Variants in GNG4 observed in about 807,000 individuals in gnomAD.
The protein encoded by GNG4 is G protein subunit gamma 4.
GNG4 carries 4 observed loss-of-function variants against 5.8 expected under a neutral mutation model. The observed-to-expected ratio is 0.69, with a 90% confidence interval of 0.34 to 1.57. GNG4 has a LOEUF of 1.57. Among genes scored for constraint, GNG4 ranks in the 40% most tolerant of loss-of-function variants. GNG4 has a pLI of 0.06. For synonymous variants in GNG4, 29 were observed against 32.9 expected (o/e 0.88, Z 0.41); for missense variants, 96 against 95.1 (o/e 1.01, Z -0.04).
intron 2 of GNG4, among the ~76,000 whole-genome samples, chr1:235,587,239 GGTGGGGTGTGTGT>G (rs1687785994): frequency 1.0e-4 from 2 of 20,002 alleles, no homozygotes; most frequent in African/African-American, 4.3e-4. Flanking sequence ...GAGTGTGTGA[GGTGGGGTGTGTGT>G]GATGACAGTG....
At chr1:235,586,358 G>C (rs1381153219) in intron 2 of GNG4, among the ~76,000 whole-genome samples, 2 of 151,960 alleles carry the variant, frequency 1.3e-5, no homozygotes, top group Non-Finnish European at 2.9e-5. Context: ...CCTTGTGCCA[G>C]TCTGTGTGTG....
chr1:235,554,508 T>C (rs1210488171), intron 3 of GNG4, among the ~76,000 whole-genome samples: 1 of 152,174 alleles, frequency 6.6e-6, no homozygotes, highest in Admixed American at 6.5e-5. Context: ...GTTTGCTAAG[T>C]CTAGGCCCCT....
chr1:235,556,626 C>T (rs1042759297), intron 3 of GNG4, among the ~76,000 whole-genome samples: 1 of 151,096 alleles, frequency 6.6e-6, no homozygotes, highest in South Asian at 2.1e-4. Context: ...ACAGCCGTCC[C>T]CAACGTTTTC....
intron 1 of GNG4, among the ~76,000 whole-genome samples, chr1:235,639,076 C>T (rs1450972858): frequency 6.6e-6 from 1 of 152,252 alleles, no homozygotes; most frequent in Non-Finnish European, 1.5e-5. Context: ...CCCACCTTCT[C>T]TCTCAGATGC....
intron 3 of GNG4, among the ~76,000 whole-genome samples, chr1:235,560,840 C>T (rs1327432444): frequency 6.6e-6 from 1 of 152,198 alleles, no homozygotes; most frequent in Non-Finnish European, 1.5e-5. Context: ...TCCTAATAAC[C>T]TTTCCTCAAT....
At chr1:235,611,133 A>C (rs1688467810) in intron 1 of GNG4, among the ~76,000 whole-genome samples, 1 of 151,960 alleles carries the variant, frequency 6.6e-6, no homozygotes, top group Non-Finnish European at 1.5e-5. Context: ...AAGAGATAAA[A>C]TGTAGTTACC....
At chr1:235,588,831 C>T (rs1434613707) in intron 2 of GNG4, 1 of 152,796 alleles carries the variant, frequency 6.5e-6, no homozygotes, top group Non-Finnish European at 1.5e-5. Context: ...ATGTTCCCCA[C>T]CCCACCTACT....
intron 1 of GNG4, among the ~76,000 whole-genome samples, chr1:235,601,192 G>A (rs1055961183): frequency 2.6e-5 from 4 of 152,198 alleles, no homozygotes; most frequent in African/African-American, 9.7e-5. Context: ...TTAGGGTATG[G>A]GATAGGCTGG....
At chr1:235,581,192 C>G (rs957348144) in intron 3 of GNG4, among the ~76,000 whole-genome samples, 44 of 152,156 alleles carry the variant, frequency 2.9e-4, no homozygotes, top group Non-Finnish European at 2.4e-4. Context: ...GGGGTGGTTT[C>G]TCATGAAGGG....
At chr1:235,627,413 G>C (rs1237424235) in intron 1 of GNG4, among the ~76,000 whole-genome samples, 1 of 151,990 alleles carries the variant, frequency 6.6e-6, no homozygotes, top group African/African-American at 2.4e-5. Flanking sequence ...AGTAGAGATG[G>C]GGTTTCACCA....
At position 235,624,277 on chromosome 1, in the gene GNG4, A is replaced by AT. The variant is rs879375174; in HGVS notation, c.-123+25384dup. On this transcript the variant is annotated intron_variant, in intron 1 of 3. Transcript: ENST00000391854. ...ACCACCACGCCCGGCTAATTTTTGT[A>AT]TTTTTTTTTTTTTAGTAGAGATGGG... Among the ~76,000 whole-genome samples the AT allele has an allele frequency of 4.7e-3, 650 of 139,606 alleles. 3 individuals are homozygous for AT. Among genetic ancestry groups the AT allele is most frequent in the African/African-American group, 0.014 (517 of 38,022 alleles). 91.6% of individuals were successfully genotyped at this position (139,606 alleles called of 152,430 possible).
chr1:235,613,142 T>C (rs1005286434), intron 1 of GNG4, among the ~76,000 whole-genome samples: 1 of 152,044 alleles, frequency 6.6e-6, no homozygotes, highest in African/African-American at 2.4e-5. Context: ...ATTCAGACCA[T>C]AGCAGTCACC....
At chr1:235,633,852 C>A (rs1688979648) in intron 1 of GNG4, among the ~76,000 whole-genome samples, 1 of 152,140 alleles carries the variant, frequency 6.6e-6, no homozygotes, top group African/African-American at 2.4e-5. Context: ...TGGGAGAAGT[C>A]CAACCAGGAT....
At chr1:235,552,350 G>C (rs907566404) in intron 3 of GNG4, 113 bp from the exon 4 acceptor site, 9 of 959,972 alleles carry the variant, frequency 9.4e-6, no homozygotes, top group Non-Finnish European at 1.3e-5. Context: ...TGTATTGTGT[G>C]CACGGCCTAC....
chr1:235,632,273 G>C (rs1469171132), intron 1 of GNG4, among the ~76,000 whole-genome samples: 1 of 151,974 alleles, frequency 6.6e-6, no homozygotes, highest in Non-Finnish European at 1.5e-5. Context: ...TTTTTGTAGA[G>C]ACAGGGTCTC....
intron 1 of GNG4, among the ~76,000 whole-genome samples, chr1:235,598,197 C>A (rs1372172354): frequency 2.6e-5 from 4 of 152,208 alleles, no homozygotes; most frequent in Non-Finnish European, 5.9e-5. Flanking sequence ...CTACCCACCT[C>A]CATGACCTTA....
At chr1:235,570,420 G>A (rs1203508833) in intron 3 of GNG4, among the ~76,000 whole-genome samples, 9 of 116,746 alleles carry the variant, frequency 7.7e-5, no homozygotes, top group Non-Finnish European at 1.2e-4. Flanking sequence ...TTTTTGAGAC[G>A]GAGTTTCACT....
chr1:235,650,277 G>GACC (rs1558510142), upstream of GNG4, among the ~76,000 whole-genome samples: 5 of 11,714 alleles, frequency 4.3e-4, no homozygotes, highest in African/African-American at 1.3e-3. Context: ...GGGTCTGGGG[G>GACC]GCGCGGCGGG....
At position 235,646,048 on chromosome 1, in the gene GNG4, G is replaced by T. The variant is rs113074067; in HGVS notation, c.-123+3614C>A. On this transcript the variant is annotated intron_variant, in intron 1 of 3. Coordinates refer to ENST00000391854, the MANE Select transcript of GNG4 (RefSeq NM_001098722.2). ...GGCTGTTGTCCCGCCTCATGCACAGGGGGTGTTGGGGAAGAAACAATCTCT... is the reference window on the plus strand; with the variant it reads ...GGCTGTTGTCCCGCCTCATGCACAGTGGGTGTTGGGGAAGAAACAATCTCT... Among the ~76,000 whole-genome samples the T allele has an allele frequency of 3.1e-3, 476 of 152,214 alleles. 4 individuals are homozygous for T. Among genetic ancestry groups the T allele is most frequent in the African/African-American group, 0.011 (458 of 41,522 alleles).
Sources: allele counts gnomAD v4.1 joint callset (sites outside exome capture counted in the v4.1 genomes callset), GRCh38; gene constraint gnomAD v4.1.1; transcripts MANE v1.5; gene names NCBI Gene and HGNC (gene_info 2026-07-23, HGNC 2026-07-21).